MRPS28: variants seen among roughly 807,000 people sequenced by gnomAD.
MRPS28 encodes mitochondrial ribosomal protein S28.
A neutral mutation model predicts 10.8 loss-of-function variants in MRPS28; 7 were observed. The observed-to-expected ratio is 0.65, with a 90% CI of 0.37 to 1.22. The LOEUF is 1.22. Ranked by LOEUF, MRPS28 falls within the 50% of genes most tolerant of loss-of-function variation. MRPS28 has a pLI of 0.02. For synonymous variants in MRPS28, 121 were observed against 93.3 expected (o/e 1.30, Z -1.71); for missense variants, 265 against 232.9 (o/e 1.14, Z -0.90).
intron 2 of MRPS28, among the ~76,000 whole-genome samples, chr8:79,949,164 C>T (rs996815627): frequency 6.6e-6 from 1 of 152,022 alleles, no homozygotes; most frequent in Admixed American, 6.6e-5. Context: ...ACCTGTAATC[C>T]CAACACTTTG....
chr8:79,953,977 C>T (rs566909538), intron 2 of MRPS28, among the ~76,000 whole-genome samples: 31 of 152,208 alleles, frequency 2.0e-4, no homozygotes, highest in African/African-American at 7.5e-4. Flanking sequence ...ATTAAAACTG[C>T]AATAAAATAA....
rs540258400 is a variant in MRPS28 at position 79,997,856 on chromosome 8, A to C, written c.395+5143T>G. On this transcript the variant is annotated intron_variant, in intron 2 of 2. Transcript: ENST00000276585. ...GATCACTTGACGCCAGGAGTTCAAGACCAGCCTGGCCAACACGGCAAAACC... is the reference window on the plus strand; with the variant it reads ...GATCACTTGACGCCAGGAGTTCAAGCCCAGCCTGGCCAACACGGCAAAACC... 2.0e-4 allele frequency among the ~76,000 whole-genome samples: 30 copies of C among 152,198 alleles called. No homozygotes were observed. The East Asian group carries it at 5.6e-3, about 28-fold the overall frequency.
chr8:80,021,242 C>T (rs1442969267), intron 1 of MRPS28, among the ~76,000 whole-genome samples: 3 of 152,112 alleles, frequency 2.0e-5, no homozygotes, highest in Non-Finnish European at 4.4e-5. Context: ...ACCTCATGTT[C>T]CGCCCACCTT....
intron 2 of MRPS28, among the ~76,000 whole-genome samples, chr8:79,991,909 G>GCTCTCTCTCTCT (rs33936648): frequency 6.8e-5 from 9 of 133,112 alleles, no homozygotes; most frequent in East Asian, 2.2e-4. Context: ...CTTCCTCCTT[G>GCTCTCTCTCTCT]CTCTCTCTCT....
chr8:79,935,477 C>T (rs77742758), intron 2 of MRPS28, among the ~76,000 whole-genome samples: 1 of 152,168 alleles, frequency 6.6e-6, no homozygotes, highest in Non-Finnish European at 1.5e-5. Context: ...AGTCAAACAA[C>T]TACATCTGCC....
chr8:79,955,433 A>G (rs1807180761), intron 2 of MRPS28, among the ~76,000 whole-genome samples: 1 of 152,026 alleles, frequency 6.6e-6, no homozygotes, highest in South Asian at 2.1e-4. Context: ...TACATTTTCT[A>G]TTTTCCATAT....
chr8:79,921,950 AC>A (rs1810106338), intron 2 of MRPS28, among the ~76,000 whole-genome samples: 3 of 152,210 alleles, frequency 2.0e-5, no homozygotes. Context: ...ATTTTGAGAT[AC>A]GTCCCATCAA....
At chr8:79,962,105 C>G (rs368256386) in intron 2 of MRPS28, among the ~76,000 whole-genome samples, 2 of 151,930 alleles carry the variant, frequency 1.3e-5, no homozygotes, top group African/African-American at 4.8e-5. Flanking sequence ...AATTCAATCA[C>G]TGTGCCATCT....
chr8:79,983,857 A>T (rs1808059679), intron 2 of MRPS28, among the ~76,000 whole-genome samples: 1 of 152,246 alleles, frequency 6.6e-6, no homozygotes, highest in South Asian at 2.1e-4. Context: ...TCTGCAGGAT[A>T]TTATTCAGGA....
At chr8:79,987,781 G>A (rs1808233695) in intron 2 of MRPS28, among the ~76,000 whole-genome samples, 1 of 152,146 alleles carries the variant, frequency 6.6e-6, no homozygotes, top group African/African-American at 2.4e-5. Context: ...GAAACAACAG[G>A]TGCTGGAGAG....
intron 2 of MRPS28, among the ~76,000 whole-genome samples, chr8:79,975,561 G>GACT (rs1367717833): frequency 3.9e-5 from 6 of 152,036 alleles, no homozygotes; most frequent in Admixed American, 2.0e-4. Context: ...AAATACAAAA[G>GACT]ACTAATGAGC....
intron 2 of MRPS28, among the ~76,000 whole-genome samples, chr8:79,984,691 A>G (rs1286195340): frequency 2.6e-5 from 4 of 152,206 alleles, no homozygotes; most frequent in Admixed American, 6.5e-5. Flanking sequence ...CCATTACATA[A>G]TGGTAAAGGG....
intron 2 of MRPS28, among the ~76,000 whole-genome samples, chr8:79,996,563 G>A (rs1808506449): frequency 1.3e-5 from 2 of 152,168 alleles, no homozygotes; most frequent in Admixed American, 6.5e-5. Context: ...TCCCACTCAC[G>A]AGGGCAGAAT....
intron 2 of MRPS28, among the ~76,000 whole-genome samples, chr8:79,933,548 T>C (rs1806524659): frequency 6.6e-6 from 1 of 152,214 alleles, no homozygotes; most frequent in Non-Finnish European, 1.5e-5. Flanking sequence ...AAATGTTCAA[T>C]TTATTTGAAA....
At chr8:80,028,180 A>G (rs1026517596) in intron 1 of MRPS28, among the ~76,000 whole-genome samples, 129 of 152,328 alleles carry the variant, frequency 8.5e-4, no homozygotes, top group African/African-American at 3.0e-3. Flanking sequence ...ACCACAGTTA[A>G]CTCAGCAATT....
At position 79,934,412 on chromosome 8, in the gene MRPS28, A is replaced by C. The variant is rs187891095; in HGVS notation, c.396-15264T>G. Among the ~76,000 whole-genome samples, 308 of 152,286 alleles carry C rather than the reference A, an allele frequency of 2.0e-3. 1 individual carries two copies. Among genetic ancestry groups the C allele is most frequent in the African/African-American group, 7.1e-3 (297 of 41,572 alleles). The stretch of plus-strand genomic sequence containing the variant: ...TGTTTGAATTTTATGTAAGCAATTA[A>C]AAGGCCATAAAAATTCATTCAATAT... On this transcript the variant is annotated intron_variant, in intron 2 of 2. Coordinates refer to ENST00000276585, the MANE Select transcript of MRPS28 (RefSeq NM_014018.3).
intron 2 of MRPS28, among the ~76,000 whole-genome samples, chr8:79,919,960 G>T (rs1196094960): frequency 4.0e-4 from 32 of 80,798 alleles, no homozygotes; most frequent in Admixed American, 2.4e-3. Flanking sequence ...CCCATAACAG[G>T]CCCCGGTGTG....
intron 2 of MRPS28, among the ~76,000 whole-genome samples, chr8:79,937,725 G>A: frequency 6.6e-6 from 1 of 152,156 alleles, no homozygotes; most frequent in Non-Finnish European, 1.5e-5. Context: ...CACCAAACTG[G>A]ATTAGTAAGG....
rs548124643 is a variant in MRPS28 at position 80,011,690 on chromosome 8, T to G, written c.214-8510A>C. On this transcript the variant is annotated intron_variant, in intron 1 of 2. Coordinates refer to ENST00000276585, the MANE Select transcript of MRPS28 (RefSeq NM_014018.3). Reference sequence around the variant, plus strand: ...ATCACTTGAACCCAGGAGGCGGAGGTTGCAGTGAGCCGAGATGGCACAACT... The same window carrying G: ...ATCACTTGAACCCAGGAGGCGGAGGGTGCAGTGAGCCGAGATGGCACAACT... Among the ~76,000 whole-genome samples the G allele has an allele frequency of 2.6e-5, 4 of 151,804 alleles. No individual in the cohort carries two copies. The East Asian group carries it at 7.8e-4, about 29-fold the overall frequency.
Sources: gnomAD v4.1 joint callset for allele counts (sites outside exome capture counted in the v4.1 genomes callset) on GRCh38, gnomAD v4.1.1 for gene constraint, MANE v1.5 for transcripts, NCBI Gene and HGNC (gene_info 2026-07-23, HGNC 2026-07-21) for gene names.